The following EYS variants were observed in gnomAD, a reference collection of about 807,000 sequenced individuals.
The protein encoded by EYS is protein eyes shut homolog.
Under a neutral mutation model 282.1 loss-of-function variants are expected in EYS, and 250 were observed. That is an observed-to-expected ratio of 0.89 (90% CI 0.80 to 0.98). The LOEUF (loss-of-function observed/expected upper bound fraction) is 0.98, where lower values mean the gene tolerates loss of function less well. Ranked by LOEUF, EYS falls within the 50% of genes least tolerant of loss-of-function variation. The pLI, the probability that EYS is intolerant of heterozygous loss-of-function variation, is 0.00. For synonymous variants in EYS, 1,355 were observed against 1,282.9 expected, an observed-to-expected ratio of 1.06 and a Z score of -1.20; for missense variants, 4,016 against 3,709.0, an observed-to-expected ratio of 1.08 and a Z score of -2.15.
intron 2 of EYS, among the ~76,000 whole-genome samples, chr6:65,626,471 A>C (rs1340283663): frequency 6.6e-6 from 1 of 152,218 alleles, no homozygotes; most frequent in Non-Finnish European, 1.5e-5. Context: ...TGGAACTCAC[A>C]TGATCCCTCT....
chr6:64,187,054 T>G (rs1469378100), intron 31 of EYS, among the ~76,000 whole-genome samples: 1 of 152,152 alleles, frequency 6.6e-6, no homozygotes, highest in East Asian at 1.9e-4. Flanking sequence ...TGTGATAATT[T>G]AAAGAAAATC....
chr6:64,516,088 A>C lies in EYS; in HGVS notation c.5644+74135T>G, dbSNP rs114889369. Among the ~76,000 whole-genome samples the C allele has an allele frequency of 4.4e-3, 669 of 151,934 alleles. 3 individuals are homozygous for C. Among genetic ancestry groups the C allele is most frequent in the African/African-American group, 0.015 (637 of 41,512 alleles). On this transcript the variant is annotated intron_variant, in intron 26 of 42. Coordinates refer to ENST00000503581, the MANE Select transcript of EYS (RefSeq NM_001142800.2). ...CATGTTGCTAAATGAATCTCTAAAC[A>C]TTAAATCAAGTATTGAAGATCAAAG...
At chr6:64,567,262 C>T (rs982744003) in intron 26 of EYS, among the ~76,000 whole-genome samples, 3 of 152,072 alleles carry the variant, frequency 2.0e-5, no homozygotes, top group African/African-American at 4.8e-5. Flanking sequence ...TAGTATAATA[C>T]ATTTTATAAA....
chr6:63,870,540 T>C (rs2149712384), intron 35 of EYS, among the ~76,000 whole-genome samples: 1 of 152,340 alleles, frequency 6.6e-6, no homozygotes, highest in East Asian at 1.9e-4. Flanking sequence ...TAATTTTTTT[T>C]GCAGTTTCTC....
At chr6:64,187,369 A>T (rs1213830009) in intron 31 of EYS, among the ~76,000 whole-genome samples, 3 of 152,114 alleles carry the variant, frequency 2.0e-5, no homozygotes, top group African/African-American at 7.2e-5. Context: ...TTAATTCTTA[A>T]GTTACTATGC....
chr6:64,387,045 C>T (rs1265538664), intron 29 of EYS, among the ~76,000 whole-genome samples: 1 of 152,134 alleles, frequency 6.6e-6, no homozygotes, highest in Admixed American at 6.6e-5. Context: ...TAATTATTCT[C>T]TGGCTCCCAC....
intron 21 of EYS, 140 bp downstream of exon 21, chr6:64,821,505 T>A (rs1764898275): frequency 2.0e-6 from 1 of 491,648 alleles, no homozygotes. Context: ...AGCCAAAGAA[T>A]TACACAGAGG....
chr6:64,513,980 G>A (rs1043880618), intron 26 of EYS, among the ~76,000 whole-genome samples: 4 of 151,742 alleles, frequency 2.6e-5, no homozygotes, highest in Admixed American at 6.6e-5. Context: ...TAGCATGAAT[G>A]GACCAGAGGC....
intron 23 of EYS, among the ~76,000 whole-genome samples, chr6:64,623,499 TAA>T (rs1248676990): frequency 6.6e-6 from 1 of 152,108 alleles, no homozygotes; most frequent in Non-Finnish European, 1.5e-5. Context: ...TTAATACATC[TAA>T]AATAACATGG....
At chr6:64,848,822 T>C (rs991397770) in intron 19 of EYS, among the ~76,000 whole-genome samples, 1 of 149,398 alleles carries the variant, frequency 6.7e-6, no homozygotes, top group African/African-American at 2.5e-5. Context: ...ATATTTAGTG[T>C]TCCAAAGGAA....
At chr6:64,379,678 C>T (rs1202740792) in intron 29 of EYS, 1 of 151,982 alleles carries the variant, frequency 6.6e-6, no homozygotes, top group African/African-American at 2.4e-5. Context: ...AAGAAGTGTC[C>T]TCAGGGATAT....
intron 18 of EYS, among the ~76,000 whole-genome samples, chr6:64,894,082 A>G (rs931294268): frequency 2.0e-5 from 3 of 152,140 alleles, no homozygotes; most frequent in Non-Finnish European, 2.9e-5. Context: ...TCAGTCAATC[A>G]TACATTTTAA....
intron 12 of EYS, among the ~76,000 whole-genome samples, chr6:65,151,991 G>T (rs16896369): frequency 0.26 from 39,031 of 151,664 alleles, 5,357 homozygotes; most frequent in African/African-American, 0.35. Flanking sequence ...TTTTATTAAA[G>T]AGATCAATGT....
chr6:64,251,422 A>G (rs926096379), intron 30 of EYS, among the ~76,000 whole-genome samples: 1 of 152,122 alleles, frequency 6.6e-6, no homozygotes, highest in South Asian at 2.1e-4. Flanking sequence ...CTATATAAGC[A>G]ATCTTGTTTT....
chr6:64,698,033 G>A (rs1424116040), intron 22 of EYS, among the ~76,000 whole-genome samples: 1 of 151,994 alleles, frequency 6.6e-6, no homozygotes, highest in Non-Finnish European at 1.5e-5. Flanking sequence ...TCACTTCCAA[G>A]AGAAACTCTT....
chr6:65,040,890 C>T (rs1217406418), intron 13 of EYS, among the ~76,000 whole-genome samples: 1 of 151,642 alleles, frequency 6.6e-6, no homozygotes, highest in Non-Finnish European at 1.5e-5. Context: ...AATCTCTGGC[C>T]ACAATAACTA....
At chr6:64,531,088 T>A (rs918938459) in intron 26 of EYS, among the ~76,000 whole-genome samples, 2 of 152,132 alleles carry the variant, frequency 1.3e-5, no homozygotes, top group Non-Finnish European at 1.5e-5. Context: ...TTACCTAAAG[T>A]AGTCAAGAAA....
chr6:65,627,557 T>C (rs2149805896), intron 2 of EYS, among the ~76,000 whole-genome samples: 1 of 152,216 alleles, frequency 6.6e-6, no homozygotes, highest in Non-Finnish European at 1.5e-5. Context: ...CGGGGCTGCC[T>C]GCCGCGCTTG....
At chr6:65,638,119 G>A (rs1437984306) in intron 2 of EYS, among the ~76,000 whole-genome samples, 4 of 152,108 alleles carry the variant, frequency 2.6e-5, no homozygotes, top group Non-Finnish European at 5.9e-5. Flanking sequence ...TGAGCCCACT[G>A]AAACCCTGGA....
Sources: allele counts gnomAD v4.1 joint callset (sites outside exome capture counted in the v4.1 genomes callset), GRCh38; gene constraint gnomAD v4.1.1; transcripts MANE v1.5; gene names NCBI Gene and HGNC (gene_info 2026-07-23, HGNC 2026-07-21).